VPS13D: variants seen among roughly 807,000 people sequenced by gnomAD.
VPS13D encodes intermembrane lipid transfer protein VPS13D.
In VPS13D, 187 loss-of-function variants were observed where a neutral mutation model predicts 461.9. The observed-to-expected ratio is 0.40, with a 90% CI of 0.36 to 0.46. The LOEUF (loss-of-function observed/expected upper bound fraction) is 0.46. Ranked by LOEUF, VPS13D falls within the 20% of genes least tolerant of loss-of-function variation. The probability of loss-of-function intolerance (pLI) is 0.60; values close to 1 mark genes in which losing one functional copy is unlikely to be tolerated. For missense variants in VPS13D, 4,711 were observed against 5,364.9 expected (o/e 0.88, Z 3.81); for synonymous variants, 1,951 against 1,986.3 (o/e 0.98, Z 0.47).
At chr1:12,479,842 A>G (rs1440017397) in intron 67 of VPS13D, among the ~76,000 whole-genome samples, 2 of 152,240 alleles carry the variant, frequency 1.3e-5, no homozygotes, top group Admixed American at 6.5e-5. Flanking sequence ...ACCCTGGTTC[A>G]CTTGGAGAGG....
At chr1:12,484,646 C>CA (rs1284483170) in intron 67 of VPS13D, among the ~76,000 whole-genome samples, 7 of 152,306 alleles carry the variant, frequency 4.6e-5, no homozygotes, top group African/African-American at 1.7e-4. Flanking sequence ...ATTCAGCACT[C>CA]AGTCAGTGCA....
Position 12,272,986 on chromosome 1 carries a change from C to T in VPS13D, c.2104-17C>T. The T allele has an allele frequency of 6.2e-7, 1 of 1,610,554 alleles. No homozygotes were observed. Among genetic ancestry groups the T allele is most frequent in the Non-Finnish European group, 8.5e-7 (1 of 1,178,672 alleles). On this transcript the variant is annotated splice_polypyrimidine_tract_variant and intron_variant, in intron 17 of 69. Coordinates refer to ENST00000620676, the MANE Select transcript of VPS13D (RefSeq NM_015378.4). Reference sequence around the variant, plus strand: ...GGGTTTCGGCAGTTATGGTTAATGACTGTTTTATTTGTACAGGAGGAGAGT... The same window carrying T: ...GGGTTTCGGCAGTTATGGTTAATGATTGTTTTATTTGTACAGGAGGAGAGT...
rs575701855 is a variant in VPS13D at position 12,483,503 on chromosome 1, T to C, written c.12663-13997T>C. Among the ~76,000 whole-genome samples, 3 of 152,320 alleles carry C rather than the reference T, an allele frequency of 2.0e-5. No homozygotes were observed. The South Asian group carries it at 6.2e-4, about 32-fold the overall frequency. On this transcript the variant is annotated intron_variant, in intron 67 of 69. Coordinates refer to ENST00000620676, the MANE Select transcript of VPS13D (RefSeq NM_015378.4). ...TAGTGTGTGGTTTTTTTTTAATTCT[T>C]ATCTAGTGTTGGTCTAACCCTTCCA...
chr1:12,257,830 A>G, intron 9 of VPS13D, 105 bp from the exon 10 acceptor site: 1 of 1,347,930 alleles, frequency 7.4e-7, no homozygotes, highest in Non-Finnish European at 1.0e-6. Flanking sequence ...GACAAGAGAA[A>G]AGATGTCTCA....
At chr1:12,427,743 T>C (rs554267279) in intron 65 of VPS13D, among the ~76,000 whole-genome samples, 1 of 152,162 alleles carries the variant, frequency 6.6e-6, no homozygotes, top group Non-Finnish European at 1.5e-5. Context: ...CAGTTCCCAA[T>C]GGATACTGAG....
chr1:12,376,279 G>A (rs1216643985), intron 55 of VPS13D, among the ~76,000 whole-genome samples: 2 of 152,218 alleles, frequency 1.3e-5, no homozygotes, highest in Non-Finnish European at 2.9e-5. Flanking sequence ...ACAGCATGAT[G>A]TGTTTTTAGG....
At chr1:12,462,163 T>C (rs778606520) in intron 67 of VPS13D, among the ~76,000 whole-genome samples, 20 of 152,224 alleles carry the variant, frequency 1.3e-4, no homozygotes, top group Non-Finnish European at 2.1e-4. Flanking sequence ...TAAAAAATTA[T>C]ATAAACACTT....
At chr1:12,414,658 G>C (rs1284312726) in intron 63 of VPS13D, among the ~76,000 whole-genome samples, 4 of 152,190 alleles carry the variant, frequency 2.6e-5, no homozygotes, top group African/African-American at 9.6e-5. Flanking sequence ...CTGCTTCCAA[G>C]ATGGGGATAA....
In VPS13D at chr1:12,386,224, A is replaced by G; in HGVS notation, c.11524A>G (p.Ile3842Val). Residue 3842 changes from isoleucine (I) to valine (V), a missense_variant, in exon 60 of 70, where the codon ATT (isoleucine) becomes GTT (valine). Ile to Val is a conservative substitution (Grantham distance 29, BLOSUM62 3). Around this residue, in one of 3 missense-constraint regions of VPS13D, gnomAD observed 4,411 missense variants for 4,937.8 expected, o/e 0.89. Transcript: ENST00000620676. ...AGAAGGTGGAATTGGGTTGTCCTTA[A>G]TTAATAAAGTCCCAGAAGAACTGGT... Reference protein sequence around the residue: ...RLEGGIGLSLINKVPEELVFA... With the variant: ...RLEGGIGLSLVNKVPEELVFA... 6.2e-7 allele frequency: 1 copy of G among 1,613,584 alleles called. No homozygotes were observed. Among genetic ancestry groups the G allele is most frequent in the African/African-American group, 1.3e-5 (1 of 75,010 alleles).
intron 57 of VPS13D, among the ~76,000 whole-genome samples, chr1:12,381,912 C>A (rs896065212): frequency 1.3e-4 from 14 of 111,922 alleles, no homozygotes; most frequent in African/African-American, 3.9e-4. Context: ...TTTTCTTTTT[C>A]TTTCTTTTCT....
Position 12,271,092 on chromosome 1 carries a change from A to C in VPS13D, c.2071A>C (p.Thr691Pro), listed in dbSNP as rs186366722. The C allele has an allele frequency of 1.2e-6, 2 of 1,613,658 alleles. No homozygotes were observed. The highest frequency in any genetic ancestry group is 3.3e-5 in the Admixed American group (2 of 59,976). Residue 691 changes from threonine (T) to proline (P), a missense_variant, in exon 17 of 70, where the codon ACT becomes CCT. Thr to Pro is a conservative substitution (Grantham distance 38). Transcript: ENST00000620676. ...KMQTKAEIRQ[T>P]LDRLLVGDFI... ...GCAGACCAAGGCAGAAATCCGGCAA[A>C]CTCTTGATCGTTTGCTAGTGGGTGA...
chr1:12,285,175 A>T (rs967690016), intron 21 of VPS13D, among the ~76,000 whole-genome samples: 41 of 152,336 alleles, frequency 2.7e-4, no homozygotes, highest in African/African-American at 9.9e-4. Flanking sequence ...CATCACAGAG[A>T]AACAGTATAA....
intron 58 of VPS13D, 115 bp from the exon 59 acceptor site, chr1:12,385,145 T>C (rs2101653443): frequency 1.3e-6 from 1 of 795,912 alleles, no homozygotes; most frequent in East Asian, 2.7e-5. Flanking sequence ...ACCATTCGCT[T>C]CCATAGGATT....
chr1:12,506,128 C>T lies in VPS13D; in HGVS notation c.12795-725C>T, dbSNP rs116492438. On this transcript the variant is annotated intron_variant, in intron 68 of 69. Coordinates refer to ENST00000620676, the MANE Select transcript of VPS13D (RefSeq NM_015378.4). ...AAGATGCAGGGGAGGCAGCCAGGCC[C>T]GGGAGAACTGTCACACTGTTCCCAA... Among the ~76,000 whole-genome samples, 1,355 of 152,294 alleles carry T rather than the reference C, an allele frequency of 8.9e-3. 21 individuals are homozygous for T. Among genetic ancestry groups the T allele is most frequent in the African/African-American group, 0.03 (1,261 of 41,562 alleles).
intron 55 of VPS13D, among the ~76,000 whole-genome samples, chr1:12,377,822 A>C (rs953934734): frequency 0.17 from 457 of 2,714 alleles, no homozygotes; most frequent in African/African-American, 0.33. Context: ...CTCCATCCCA[A>C]AAAAAAAAAA....
intron 57 of VPS13D, among the ~76,000 whole-genome samples, chr1:12,380,415 T>C (rs1644257768): frequency 6.6e-6 from 1 of 152,212 alleles, no homozygotes; most frequent in Non-Finnish European, 1.5e-5. Context: ...CATTTTGGCC[T>C]AAATAAGCAT....
chr1:12,378,505 C>A lies in VPS13D; in HGVS notation c.10995C>A (p.His3665Gln). 1 of 1,612,974 alleles carries A rather than the reference C, an allele frequency of 6.2e-7. No individual in the cohort carries two copies. The highest frequency in any genetic ancestry group is 8.5e-7 in the Non-Finnish European group (1 of 1,179,560). The change falls in exon 56 of 70, where the codon CAC becomes CAA. Residue 3665 changes from histidine (H) to glutamine (Q), a missense_variant. By Grantham distance (24) the His-to-Gln change is conservative. Around this residue, in one of 3 missense-constraint regions of VPS13D, gnomAD observed 4,411 missense variants for 4,937.8 expected, o/e 0.89. Coordinates refer to ENST00000620676, the MANE Select transcript of VPS13D (RefSeq NM_015378.4). ...MLAHEGSSVP[H>Q]NPNKPSAARS... ...CCCATGAGGGCTCCTCAGTTCCTCA[C>A]AATCCCAATAAGCCCTCAGCCGCCC... is the stretch of plus-strand genomic sequence containing the variant.
intron 60 of VPS13D, among the ~76,000 whole-genome samples, chr1:12,393,531 G>A (rs1241576545): frequency 6.6e-6 from 1 of 152,180 alleles, no homozygotes; most frequent in Non-Finnish European, 1.5e-5. Flanking sequence ...TCACCATTTG[G>A]TTAAGCTTAC....
intron 67 of VPS13D, among the ~76,000 whole-genome samples, chr1:12,471,696 A>G (rs2100452117): frequency 6.6e-6 from 1 of 152,248 alleles, no homozygotes; most frequent in East Asian, 1.9e-4. Flanking sequence ...CGTTATTATG[A>G]CTGTGTAAAT....
Sources: gnomAD v4.1 joint callset for allele counts (sites outside exome capture counted in the v4.1 genomes callset) on GRCh38, gnomAD v4.1.1 for gene constraint, gnomAD v4.1.1 regional missense constraint, MANE v1.5 for transcripts, NCBI Gene and HGNC (gene_info 2026-07-23, HGNC 2026-07-21) for gene names.